Variants in STAG1 observed in about 807,000 individuals in gnomAD.
STAG1 encodes cohesin subunit SA-1.
In STAG1, 26 loss-of-function variants were observed where a neutral mutation model predicts 170.9. The observed-to-expected ratio is 0.15, with a 90% CI of 0.11 to 0.21. The LOEUF (loss-of-function observed/expected upper bound fraction) is 0.21. Ranked by LOEUF, STAG1 falls within the 10% of genes least tolerant of loss-of-function variation. The pLI, the probability that STAG1 is intolerant of heterozygous loss-of-function variation, is 1.00. For synonymous variants in STAG1, 514 were observed against 497.7 expected (o/e 1.03, Z -0.44); for missense variants, 964 against 1,509.5 (o/e 0.64, Z 5.99).
intron 21 of STAG1, among the ~76,000 whole-genome samples, chr3:136,402,348 G>A (rs2087352636): frequency 6.6e-6 from 1 of 151,790 alleles, no homozygotes; most frequent in Non-Finnish European, 1.5e-5. Flanking sequence ...CACCTGAGTA[G>A]CTGGGACTAC....
Position 136,472,505 on chromosome 3 carries a change from A to T in STAG1, c.1126-13T>A, listed in dbSNP as rs2089651078. The T allele has an allele frequency of 2.5e-6, 4 of 1,608,532 alleles. No homozygotes were observed. The East Asian group carries it at 8.9e-5, about 36-fold the overall frequency. On this transcript the variant is annotated splice_polypyrimidine_tract_variant and intron_variant, in intron 11 of 33. Transcript: ENST00000383202. ...ATACAATGCGATCCTGAGAAAAAAA[A>T]GTTGTAAAACAAACCAACTATGAAC...
intron 4 of STAG1, among the ~76,000 whole-genome samples, chr3:136,603,439 C>A (rs138252974): frequency 1.3e-5 from 2 of 151,792 alleles, no homozygotes; most frequent in Admixed American, 6.6e-5. Context: ...AATGTAGAGA[C>A]GAACATAAAT....
chr3:136,362,605 CA>C (rs1237413699), intron 26 of STAG1, among the ~76,000 whole-genome samples: 57 of 42,464 alleles, frequency 1.3e-3, no homozygotes, highest in East Asian at 2.8e-3. Flanking sequence ...ATCATCTCTG[CA>C]AAAAAAAAAA....
chr3:136,601,073 C>T (rs1409466351), intron 4 of STAG1, among the ~76,000 whole-genome samples: 1 of 151,464 alleles, frequency 6.6e-6, no homozygotes, highest in East Asian at 1.9e-4. Context: ...GTTGGCCAGA[C>T]TGGTCTCAAA....
intron 13 of STAG1, among the ~76,000 whole-genome samples, chr3:136,457,373 T>C (rs556913087): frequency 6.6e-6 from 1 of 152,134 alleles, no homozygotes; most frequent in African/African-American, 2.4e-5. Flanking sequence ...AAGAAAATAG[T>C]AAACTGTCAC....
At chr3:136,343,586 T>C (rs1024845983) in intron 30 of STAG1, among the ~76,000 whole-genome samples, 2 of 152,202 alleles carry the variant, frequency 1.3e-5, no homozygotes, top group African/African-American at 2.4e-5. Context: ...AAAATGCACA[T>C]GCCAACTGAA....
intron 5 of STAG1, among the ~76,000 whole-genome samples, chr3:136,561,357 G>A (rs1330137146): frequency 6.6e-6 from 1 of 152,228 alleles, no homozygotes; most frequent in Admixed American, 6.5e-5. Context: ...TTTTCATTGA[G>A]TGCTTTTACT....
At chr3:136,425,458 A>C (rs1011120699) in intron 16 of STAG1, among the ~76,000 whole-genome samples, 1 of 152,278 alleles carries the variant, frequency 6.6e-6, no homozygotes, top group African/African-American at 2.4e-5. Context: ...ACCAGAAACA[A>C]ATAAAAATGG....
intron 3 of STAG1, chr3:136,609,514 A>G (rs571577530): frequency 6.5e-6 from 1 of 153,182 alleles, no homozygotes; most frequent in South Asian, 2.1e-4. Flanking sequence ...GCTAACCAAA[A>G]AACTATAGAT....
At chr3:136,553,555 C>G (rs1308375741) in intron 5 of STAG1, among the ~76,000 whole-genome samples, 1 of 152,150 alleles carries the variant, frequency 6.6e-6, no homozygotes, top group African/African-American at 2.4e-5. Context: ...GCAGGTGGGT[C>G]ACAAGGTCAA....
chr3:136,370,056 CTATACTATACTATACT>C (rs1937241698), intron 23 of STAG1, among the ~76,000 whole-genome samples: 2 of 2,288 alleles, frequency 8.7e-4, no homozygotes, highest in African/African-American at 4.0e-3. Context: ...ATTTACTATA[CTATACTATACTATACT>C]ATACTATACT....
chr3:136,377,444 T>C (rs1365834474), intron 23 of STAG1, among the ~76,000 whole-genome samples: 1 of 145,214 alleles, frequency 6.9e-6, no homozygotes, highest in Non-Finnish European at 1.5e-5. Flanking sequence ...GATGACAGTA[T>C]ACTTGTGAAA....
At chr3:136,674,952 T>TG (rs1411610488) in intron 1 of STAG1, among the ~76,000 whole-genome samples, 3 of 151,998 alleles carry the variant, frequency 2.0e-5, no homozygotes, top group Admixed American at 6.6e-5. Context: ...AGTTGGGGGT[T>TG]GGGGGGAGCC....
intron 1 of STAG1, among the ~76,000 whole-genome samples, chr3:136,704,377 T>C (rs1408620032): frequency 1.3e-5 from 2 of 151,972 alleles, no homozygotes; most frequent in Non-Finnish European, 2.9e-5. Flanking sequence ...TGCAACTATA[T>C]GCTAGTTAAA....
At chr3:136,548,994 T>C (rs879105945) in intron 5 of STAG1, among the ~76,000 whole-genome samples, 2 of 152,164 alleles carry the variant, frequency 1.3e-5, no homozygotes, top group African/African-American at 4.8e-5. Flanking sequence ...GATTGTACGT[T>C]TCCTGAGGCC....
At chr3:136,635,138 C>T (rs1940502312) in intron 1 of STAG1, among the ~76,000 whole-genome samples, 1 of 152,190 alleles carries the variant, frequency 6.6e-6, no homozygotes, top group Non-Finnish European at 1.5e-5. Context: ...TGAGGCATTT[C>T]TGTAACACCA....
intron 5 of STAG1, among the ~76,000 whole-genome samples, chr3:136,544,962 T>G (rs980239497): frequency 6.6e-6 from 1 of 152,188 alleles, no homozygotes; most frequent in Non-Finnish European, 1.5e-5. Context: ...TATAGCGCCT[T>G]AATAAATAAA....
At chr3:136,473,001 A>G (rs1482981217) in intron 11 of STAG1, among the ~76,000 whole-genome samples, 1 of 152,196 alleles carries the variant, frequency 6.6e-6, no homozygotes, top group Non-Finnish European at 1.5e-5. Context: ...CTGTATTTAC[A>G]GCTGTTCTCC....
intron 22 of STAG1, among the ~76,000 whole-genome samples, chr3:136,397,621 C>T (rs549210840): frequency 3.3e-5 from 5 of 152,108 alleles, no homozygotes; most frequent in South Asian, 2.1e-4. Context: ...AACTGGAGTG[C>T]GTTTATTTCT....
Sources: allele counts gnomAD v4.1 joint callset (sites outside exome capture counted in the v4.1 genomes callset), GRCh38; gene constraint gnomAD v4.1.1; transcripts MANE v1.5; gene names NCBI Gene and HGNC (gene_info 2026-07-23, HGNC 2026-07-21).